The following TRIM16 variants were observed in gnomAD, a reference collection of about 807,000 sequenced individuals.
TRIM16 encodes the protein tripartite motif containing 16.
A neutral mutation model predicts 50.4 loss-of-function variants in TRIM16; 33 were observed. The ratio of observed to expected loss-of-function variants is 0.65; its 90% CI spans 0.50 to 0.88. TRIM16 has a LOEUF of 0.88. Among genes scored for constraint, TRIM16 ranks in the 40% least tolerant of loss-of-function variants. TRIM16 has a pLI of 0.00. For missense variants in TRIM16, 581 were observed against 686.8 expected, an observed-to-expected ratio of 0.85 and a Z score of 1.72; for synonymous variants, 229 against 270.7, an observed-to-expected ratio of 0.85 and a Z score of 1.51.
chr17:15,670,247 A>G (rs1988668910), intron 6 of TRIM16, among the ~76,000 whole-genome samples: 1 of 152,218 alleles, frequency 6.6e-6, no homozygotes, highest in Non-Finnish European at 1.5e-5. Flanking sequence ...AGAAGCAACA[A>G]GGATGCAAAG....
intron 8 of TRIM16, among the ~76,000 whole-genome samples, chr17:15,637,117 G>GC (rs1191471898): frequency 3.4e-5 from 3 of 89,254 alleles, no homozygotes; most frequent in Non-Finnish European, 6.2e-5. Context: ...GAGGGAGGTG[G>GC]GGGGGGGGGG....
chr17:15,676,053 G>A (rs28758741), intron 6 of TRIM16, among the ~76,000 whole-genome samples: 10 of 151,866 alleles, frequency 6.6e-5, no homozygotes, highest in Non-Finnish European at 1.0e-4. Context: ...TTGGCATGTC[G>A]TCCTTATATT....
At chr17:15,648,513 G>T (rs923255722) in intron 7 of TRIM16, among the ~76,000 whole-genome samples, 1 of 152,192 alleles carries the variant, frequency 6.6e-6, no homozygotes, top group Non-Finnish European at 1.5e-5. Context: ...CAGCCACTTT[G>T]TGTCTTCATG....
chr17:15,683,084 C>G lies in TRIM16; in HGVS notation c.-825G>C. ...CAATCCTCCATAATCATAGCCTTTG[C>G]TTCACTATTTGGGTGTAGCAACCTT... On this transcript the variant is annotated 5_prime_UTR_variant, in exon 2 of 12. Transcript: ENST00000649191. 6.4e-7 allele frequency: 1 copy of G among 1,550,616 alleles called. No homozygotes were observed. The highest frequency in any genetic ancestry group is 8.7e-7 in the Non-Finnish European group (1 of 1,147,002).
chr17:15,631,118 G>GATTTTTAAC (rs1986394300), intron 11 of TRIM16, among the ~76,000 whole-genome samples: 1 of 151,944 alleles, frequency 6.6e-6, no homozygotes, highest in African/African-American at 2.4e-5. Flanking sequence ...TGAATCACTT[G>GATTTTTAAC]GTAACTAGCC....
At chr17:15,652,165 T>G (rs1987745341) in intron 6 of TRIM16, 2 of 170,508 alleles carry the variant, frequency 1.2e-5, no homozygotes, top group African/African-American at 4.9e-5. Flanking sequence ...TTTTTTTTTT[T>G]GAGACAGAGT....
At chr17:15,660,664 C>T (rs560876076) in intron 6 of TRIM16, among the ~76,000 whole-genome samples, 99 of 151,910 alleles carry the variant, frequency 6.5e-4, no homozygotes, top group African/African-American at 2.3e-3. Context: ...TTTGGGAGGC[C>T]GAGGTGGGTG....
intron 6 of TRIM16, among the ~76,000 whole-genome samples, chr17:15,661,169 C>A (rs191943698): frequency 6.6e-6 from 1 of 152,328 alleles, no homozygotes; most frequent in East Asian, 1.9e-4. Context: ...TCTGTTTCCT[C>A]CTCTAAAATG....
At chr17:15,665,581 T>C (rs1160868594) in intron 6 of TRIM16, among the ~76,000 whole-genome samples, 1 of 151,840 alleles carries the variant, frequency 6.6e-6, no homozygotes, top group Middle Eastern at 3.2e-3. Flanking sequence ...AATGAATGGG[T>C]AACATTCAAG....
intron 6 of TRIM16, among the ~76,000 whole-genome samples, chr17:15,653,420 T>C (rs555281031): frequency 3.9e-5 from 6 of 152,308 alleles, no homozygotes; most frequent in Admixed American, 3.9e-4. Flanking sequence ...AGGGCTGCCA[T>C]AGCAAAGAAC....
intron 8 of TRIM16, among the ~76,000 whole-genome samples, chr17:15,641,759 T>TGGAC (rs1987126406): frequency 6.8e-6 from 1 of 147,952 alleles, no homozygotes; most frequent in Non-Finnish European, 1.5e-5. Context: ...GGTAGATGAA[T>TGGAC]GGATGGATGG....
chr17:15,665,334 C>T (rs1468683693), intron 6 of TRIM16, among the ~76,000 whole-genome samples: 3 of 151,930 alleles, frequency 2.0e-5, no homozygotes, highest in Non-Finnish European at 4.4e-5. Context: ...CCAGTGAAAC[C>T]CCATCTCTAC....
intron 6 of TRIM16, among the ~76,000 whole-genome samples, chr17:15,657,998 C>T (rs1405282568): frequency 6.6e-6 from 1 of 152,148 alleles, no homozygotes; most frequent in Non-Finnish European, 1.5e-5. Flanking sequence ...AAACCTACCA[C>T]CAGGAATGTG....
chr17:15,652,143 T>G (rs901505514), intron 6 of TRIM16, 197 bp from the exon 7 acceptor site: 5 of 186,440 alleles, frequency 2.7e-5, no homozygotes, highest in Admixed American at 6.6e-5. Context: ...CATGTTTCTT[T>G]TCTTTTCTTT....
chr17:15,680,530 G>T (rs1458851995), intron 4 of TRIM16, among the ~76,000 whole-genome samples: 4 of 151,856 alleles, frequency 2.6e-5, no homozygotes, highest in Non-Finnish European at 5.9e-5. Context: ...TAGGAGTCAC[G>T]CTCCTCAATT....
rs1390322067 is a variant in TRIM16 at position 15,677,946 on chromosome 17, A to C, written c.-589-225T>G. ...TATAAGAAAACTATCGGCTGGGTGC[A>C]GTGGCTCACGCCTGTAATCCCAGCA... On this transcript the variant is annotated intron_variant, in intron 4 of 11. Coordinates refer to ENST00000649191, the MANE Select transcript of TRIM16 (RefSeq NM_001348119.1). 3.3e-5 allele frequency among the ~76,000 whole-genome samples: 5 copies of C among 152,326 alleles called. No individual in the cohort carries two copies. The East Asian group carries it at 9.6e-4, about 29-fold the overall frequency.
Position 15,631,667 on chromosome 17 carries a change from A to G in TRIM16, c.1063T>C (p.Tyr355His). ...TQVSAVVQRK[Y>H]WTSKPEPSTR... ...CTGGGCTCAGGTTTGGAAGTCCAATATTTGCGCTGAACAACGGCAGACACT... is the reference window on the plus strand; with the variant it reads ...CTGGGCTCAGGTTTGGAAGTCCAATGTTTGCGCTGAACAACGGCAGACACT... The change falls in exon 11 of 12, where the codon TAT (tyrosine) becomes CAT (histidine). Residue 355 changes from tyrosine (Y) to histidine (H), a missense_variant. Tyr to His is a moderately conservative substitution (Grantham distance 83). Transcript: ENST00000649191. 1 of 1,613,904 alleles carries G rather than the reference A, an allele frequency of 6.2e-7. No individual in the cohort carries two copies. Among genetic ancestry groups the G allele is most frequent in the Non-Finnish European group, 8.5e-7 (1 of 1,179,834 alleles).
chr17:15,637,964 T>C (rs904663890), intron 8 of TRIM16, among the ~76,000 whole-genome samples: 1 of 141,952 alleles, frequency 7.0e-6, no homozygotes, highest in Admixed American at 6.9e-5. Flanking sequence ...CCCTGTGCTC[T>C]CTGAAACATG....
At chr17:15,682,325 C>T (rs1440869322) in intron 3 of TRIM16, among the ~76,000 whole-genome samples, 1 of 152,212 alleles carries the variant, frequency 6.6e-6, no homozygotes. Flanking sequence ...TGTCCCCTCC[C>T]TGTACTGGAC....
Sources: gnomAD v4.1 joint callset for allele counts (sites outside exome capture counted in the v4.1 genomes callset) on GRCh38, gnomAD v4.1.1 for gene constraint, MANE v1.5 for transcripts, NCBI Gene and HGNC (gene_info 2026-07-23, HGNC 2026-07-21) for gene names.